The following CALD1 variants were observed in gnomAD, a reference collection of about 807,000 sequenced individuals.
The protein encoded by CALD1 is caldesmon 1.
A neutral mutation model predicts 99.9 loss-of-function variants in CALD1; 33 were observed. That is an observed-to-expected ratio of 0.33 (90% CI 0.25 to 0.44). The LOEUF is 0.44. Among genes scored for constraint, CALD1 ranks in the 20% least tolerant of loss-of-function variants. The probability of loss-of-function intolerance (pLI) is 1.00; values close to 1 mark genes in which losing one functional copy is unlikely to be tolerated. For missense variants in CALD1, 861 were observed against 962.1 expected, an observed-to-expected ratio of 0.89 and a Z score of 1.39; for synonymous variants, 310 against 325.0, an observed-to-expected ratio of 0.95 and a Z score of 0.50.
intron 1 of CALD1, among the ~76,000 whole-genome samples, chr7:134,798,196 G>T (rs1263109744): frequency 6.6e-6 from 1 of 152,210 alleles, no homozygotes. Flanking sequence ...TAATACATGA[G>T]TGAAAATGGT....
chr7:134,953,521 AAAAAAAAAAAG>A (rs1807525196), intron 9 of CALD1, among the ~76,000 whole-genome samples: 1 of 151,304 alleles, frequency 6.6e-6, no homozygotes, highest in African/African-American at 2.4e-5. Flanking sequence ...TCCGTCTCAA[AAAAAAAAAAAG>A]AAAAGAAAAA....
chr7:134,824,587 A>G (rs1436031429), intron 1 of CALD1, among the ~76,000 whole-genome samples: 1 of 152,100 alleles, frequency 6.6e-6, no homozygotes, highest in Non-Finnish European at 1.5e-5. Context: ...TGATGCTTGA[A>G]AAGTTTCTCT....
Position 134,821,630 on chromosome 7 carries a change from T to G in CALD1, c.-129-22254T>G, listed in dbSNP as rs58745994. ...CAGAGTCTCGCTCCGTCACCCAGGCTGGAGTGCAATGGCACAATCTTGGCT... is the reference window on the plus strand; with the variant it reads ...CAGAGTCTCGCTCCGTCACCCAGGCGGGAGTGCAATGGCACAATCTTGGCT... On this transcript the variant is annotated intron_variant, in intron 1 of 14. Coordinates refer to ENST00000361675, the MANE Select transcript of CALD1 (RefSeq NM_033138.4). Among the ~76,000 whole-genome samples, 2 of 113,676 alleles carry G rather than the reference T, an allele frequency of 1.8e-5. 1 individual carries two copies. Among genetic ancestry groups the G allele is most frequent in the African/African-American group, 6.5e-5 (2 of 30,832 alleles). 74.6% of individuals were successfully genotyped at this position (113,676 alleles called of 152,430 possible).
chr7:134,846,020 A>C (rs1799837688), intron 2 of CALD1, among the ~76,000 whole-genome samples: 1 of 152,086 alleles, frequency 6.6e-6, no homozygotes. Flanking sequence ...CCTTCTAGCT[A>C]ACTCCACCTA....
chr7:134,947,826 G>T, intron 8 of CALD1, 57 bp downstream of exon 8: 1 of 1,562,746 alleles, frequency 6.4e-7, no homozygotes, highest in Non-Finnish European at 8.6e-7. Context: ...CTAGTGCCGT[G>T]CGGCTGTTCT....
chr7:134,939,573 A>G (rs1806264322), intron 6 of CALD1, among the ~76,000 whole-genome samples: 1 of 152,236 alleles, frequency 6.6e-6, no homozygotes, highest in Admixed American at 6.5e-5. Context: ...CATAGAAGTG[A>G]ATCCCTAGTA....
chr7:134,872,620 C>T (rs1801151808), intron 3 of CALD1, among the ~76,000 whole-genome samples: 1 of 152,030 alleles, frequency 6.6e-6, no homozygotes, highest in Non-Finnish European at 1.5e-5. Context: ...GACAGTATCC[C>T]AGTAGTCACT....
At chr7:134,809,080 A>G (rs979837530) in intron 1 of CALD1, among the ~76,000 whole-genome samples, 1 of 152,238 alleles carries the variant, frequency 6.6e-6, no homozygotes, top group Non-Finnish European at 1.5e-5. Flanking sequence ...TATGAAGGCT[A>G]GAATCCATGA....
chr7:134,853,748 T>C (rs555222358), intron 2 of CALD1, among the ~76,000 whole-genome samples: 2 of 152,324 alleles, frequency 1.3e-5, no homozygotes, highest in Admixed American at 6.5e-5. Context: ...CTGGGGTACA[T>C]GTGCAGAACG....
chr7:134,715,995 A>G, the CALD1 span, among the ~76,000 whole-genome samples: 1 of 152,144 alleles, frequency 6.6e-6, no homozygotes, highest in East Asian at 1.9e-4. Flanking sequence ...TTTAGGGTAC[A>G]TGTGCACAAT....
chr7:134,941,430 C>T (rs559950938), intron 7 of CALD1, among the ~76,000 whole-genome samples, 193 bp downstream of exon 7: 4 of 152,204 alleles, frequency 2.6e-5, no homozygotes, highest in Non-Finnish European at 5.9e-5. Flanking sequence ...TAACAGAAGA[C>T]CAGCAGTCAT....
intron 2 of CALD1, among the ~76,000 whole-genome samples, chr7:134,864,219 C>T (rs1800695064): frequency 6.6e-6 from 1 of 151,974 alleles, no homozygotes; most frequent in Admixed American, 6.5e-5. Context: ...TGGCGGTATA[C>T]ACCTGTAATC....
chr7:134,731,363 C>A, the CALD1 span, among the ~76,000 whole-genome samples: 1 of 152,330 alleles, frequency 6.6e-6, no homozygotes, highest in South Asian at 2.1e-4. Context: ...TCAAACTTTT[C>A]TTTGAAAAGT....
At chr7:134,735,770 G>A in the CALD1 span, among the ~76,000 whole-genome samples, 1 of 152,188 alleles carries the variant, frequency 6.6e-6, no homozygotes, top group African/African-American at 2.4e-5. Context: ...TTTCTAAAAT[G>A]TTGTGGCTAC....
upstream of CALD1, among the ~76,000 whole-genome samples, chr7:134,741,992 A>G (rs117263001): frequency 3.7e-3 from 549 of 148,236 alleles, no homozygotes; most frequent in Non-Finnish European, 6.7e-3. Context: ...AAACTGCAGT[A>G]GCACTAGCAC....
At chr7:134,848,050 C>G (rs890547469) in intron 2 of CALD1, among the ~76,000 whole-genome samples, 1 of 151,954 alleles carries the variant, frequency 6.6e-6, no homozygotes, top group Admixed American at 6.6e-5. Flanking sequence ...CATACCACGC[C>G]GTGCAACAGT....
intron 3 of CALD1, among the ~76,000 whole-genome samples, chr7:134,904,835 C>T (rs1441515339): frequency 2.0e-5 from 3 of 152,112 alleles, no homozygotes; most frequent in Admixed American, 2.0e-4. Flanking sequence ...TATCCTCTTC[C>T]ACTAGGACAC....
intron 5 of CALD1, among the ~76,000 whole-genome samples, 153 bp from the exon 6 acceptor site, chr7:134,935,535 C>G (rs1315077225): frequency 6.6e-6 from 1 of 152,220 alleles, no homozygotes; most frequent in East Asian, 1.9e-4. Flanking sequence ...TCCCACCTTG[C>G]TGTTTAGAAC....
At chr7:134,891,961 C>G (rs1014568828) in intron 3 of CALD1, among the ~76,000 whole-genome samples, 1 of 152,078 alleles carries the variant, frequency 6.6e-6, no homozygotes, top group African/African-American at 2.4e-5. Flanking sequence ...ACGGGTTTCT[C>G]CGTTTCAAAT....
Sources: gnomAD v4.1 joint callset for allele counts (sites outside exome capture counted in the v4.1 genomes callset) on GRCh38, gnomAD v4.1.1 for gene constraint, MANE v1.5 for transcripts, NCBI Gene and HGNC (gene_info 2026-07-23, HGNC 2026-07-21) for gene names.